Variants in SELP observed in about 807,000 individuals in gnomAD.
The protein encoded by SELP is selectin P.
Under a neutral mutation model 104.1 loss-of-function variants are expected in SELP, and 92 were observed. The ratio of observed to expected loss-of-function variants is 0.88; its 90% CI spans 0.75 to 1.05. The LOEUF is 1.05. Ranked by LOEUF, SELP falls within the 50% of genes least tolerant of loss-of-function variation. SELP has a pLI of 0.00. For synonymous variants in SELP, 397 were observed against 364.5 expected (o/e 1.09, Z -1.01); for missense variants, 1,022 against 1,017.3 (o/e 1.00, Z -0.06).
intron 9 of SELP, among the ~76,000 whole-genome samples, 178 bp from the exon 10 acceptor site, chr1:169,603,389 T>C (rs1662022548): frequency 6.6e-6 from 1 of 150,462 alleles, no homozygotes; most frequent in Admixed American, 6.6e-5. Flanking sequence ...AAGTGATTGT[T>C]TGAATTTCAT....
chr1:169,603,058 C>G lies in SELP; in HGVS notation c.1673G>C (p.Gly558Ala). The part of the protein sequence containing the change: ...GPERLDCTRS[G>A]RWTDSPPMCE... The stretch of plus-strand genomic sequence containing the variant: ...CATTGGTGGGGAGTCTGTCCAGCGT[C>G]CCGATCGAGTACAATCCAATCTTTC... The change falls in exon 10 of 17, where the codon GGA becomes GCA. Residue 558 changes from glycine (G) to alanine (A), a missense_variant. Physicochemically the swap from Gly to Ala is moderately conservative, Grantham distance 60 (BLOSUM62 0). Coordinates refer to ENST00000263686, the MANE Select transcript of SELP (RefSeq NM_003005.4). 1 of 1,613,920 alleles carries G rather than the reference C, an allele frequency of 6.2e-7. No individual in the cohort carries two copies. The highest frequency in any genetic ancestry group is 8.5e-7 in the Non-Finnish European group (1 of 1,179,894).
At chr1:169,612,466 C>T in intron 5 of SELP, 64 bp from the exon 6 acceptor site, 3 of 1,519,046 alleles carry the variant, frequency 2.0e-6, no homozygotes, top group East Asian at 2.3e-5. Context: ...ACCTTGGAAG[C>T]CTTCAAATTC....
chr1:169,620,795 TTGTGTGTGTG>T (rs779947394), intron 1 of SELP, among the ~76,000 whole-genome samples: 81 of 110,940 alleles, frequency 7.3e-4, no homozygotes, highest in Admixed American at 9.2e-4. Context: ...CGGTGTGGGG[TTGTGTGTGTG>T]TGTGTGTGTG....
intron 10 of SELP, among the ~76,000 whole-genome samples, chr1:169,601,208 A>ATGT (rs1661895439): frequency 6.6e-6 from 1 of 152,244 alleles, no homozygotes; most frequent in Non-Finnish European, 1.5e-5. Context: ...CACAAGCCCA[A>ATGT]ATGCTTTCCT....
At chr1:169,612,044 A>AT (rs1421872981) in intron 6 of SELP, among the ~76,000 whole-genome samples, 173 bp downstream of exon 6, 4 of 152,092 alleles carry the variant, frequency 2.6e-5, no homozygotes, top group Non-Finnish European at 4.4e-5. Flanking sequence ...AAAGAAAGGA[A>AT]TTTTTTTCCT....
At chr1:169,616,635 T>A (rs1662825405) in intron 3 of SELP, among the ~76,000 whole-genome samples, 1 of 152,152 alleles carries the variant, frequency 6.6e-6, no homozygotes, top group Admixed American at 6.5e-5. Context: ...TTCCTTCCAA[T>A]TTACACTCTC....
In SELP at chr1:169,596,149, T is replaced by C. The variant is rs1489301526; in HGVS notation, c.1892-15A>G. ...TGATGCTATGCCTGTTGTGAGAAAA[T>C]GTTTCCATTCAGAGACCTCCCAATT... On this transcript the variant is annotated splice_polypyrimidine_tract_variant and intron_variant, in intron 11 of 16. Coordinates refer to ENST00000263686, the MANE Select transcript of SELP (RefSeq NM_003005.4). The C allele has an allele frequency of 3.7e-6, 6 of 1,612,006 alleles. No individual in the cohort carries two copies. Among genetic ancestry groups the C allele is most frequent in the Non-Finnish European group, 4.2e-6 (5 of 1,178,708 alleles).
At chr1:169,606,207 C>T (rs1222930814) in intron 9 of SELP, among the ~76,000 whole-genome samples, 1 of 152,206 alleles carries the variant, frequency 6.6e-6, no homozygotes, top group Non-Finnish European at 1.5e-5. Context: ...GTCCCAGCTA[C>T]TCGGGAAGCT....
rs1159201732 is a variant in SELP, at chr1:169,603,052, C to T, written c.1679G>A (p.Trp560Ter). ...ERLDCTRSGR[W>*]TDSPPMCEAI... ...TTCACACATTGGTGGGGAGTCTGTC[C>T]AGCGTCCCGATCGAGTACAATCCAA... The change falls in exon 10 of 17, where the codon TGG (tryptophan) becomes TAG (stop). Residue 560 changes from tryptophan to a stop codon, truncating the protein, a stop_gained. Transcript: ENST00000263686. LOFTEE classifies it high-confidence loss of function. The T allele has an allele frequency of 6.2e-7, 1 of 1,613,696 alleles. No homozygotes were observed. Among genetic ancestry groups the T allele is most frequent in the East Asian group, 2.2e-5 (1 of 44,870 alleles).
chr1:169,620,795 TTGTGTGTGTGTGTG>T (rs779947394), intron 1 of SELP, among the ~76,000 whole-genome samples: 3 of 110,832 alleles, frequency 2.7e-5, no homozygotes, highest in Non-Finnish European at 5.5e-5. Context: ...CGGTGTGGGG[TTGTGTGTGTGTGTG>T]TGTGTGTGTG....
rs1571623848 is a variant in SELP at position 169,596,089 on chromosome 1, G to A, written c.1937C>T (p.Thr646Ile). The change falls in exon 12 of 17, where the codon ACC becomes ATC. Residue 646 changes from threonine (T) to isoleucine (I), a missense_variant. Transcript: ENST00000263686. ...GTACATGGTTCCCTGCCCAGGAGTG[G>A]TGAGGGCTGGACATTGCACCCCTGG... ...PTPGVQCPALTTPGQGTMYCR... is the reference protein window; with the variant it reads ...PTPGVQCPALITPGQGTMYCR... 2 of 1,613,896 alleles carry A rather than the reference G, an allele frequency of 1.2e-6. No individual in the cohort carries two copies. Among genetic ancestry groups the A allele is most frequent in the East Asian group, 4.5e-5 (2 of 44,880 alleles).
Position 169,622,575 on chromosome 1 carries a change from C to G in SELP, c.4-3356G>C, listed in dbSNP as rs139616600. Among the ~76,000 whole-genome samples, 19 of 152,194 alleles carry G rather than the reference C, an allele frequency of 1.2e-4. No homozygotes were observed. The East Asian group carries it at 3.7e-3, about 29-fold the overall frequency. On this transcript the variant is annotated intron_variant, in intron 1 of 16. Transcript: ENST00000263686. ...TGTCTTAGAGATGAATCTTTAATAG[C>G]AATTTAAATATAAAGGTTTAAGTTA... is the stretch of plus-strand genomic sequence containing the variant.
At chr1:169,598,925 G>A (rs1661760670) in intron 10 of SELP, among the ~76,000 whole-genome samples, 1 of 152,148 alleles carries the variant, frequency 6.6e-6, no homozygotes, top group Non-Finnish European at 1.5e-5. Context: ...ATTAACCGAA[G>A]GGGGCCCTAG....
At chr1:169,603,241 A>C (rs1662004239) in intron 9 of SELP, 30 bp from the exon 10 acceptor site, 1 of 1,589,590 alleles carries the variant, frequency 6.3e-7, no homozygotes, top group Admixed American at 1.7e-5. Flanking sequence ...GGAGAAAAGA[A>C]GAGATCATTT....
rs780415483 is a variant in SELP at position 169,611,496 on chromosome 1, A to C, written c.1143T>G (p.Cys381Trp). ...GTTGCTAATGAAAAATCCTACCCTC[A>C]CAGGTTGGCAAGGGTGCAGACCAGT... ...SGHWSAPLPTCEAISCEPLES... is the reference protein window; with the variant it reads ...SGHWSAPLPTWEAISCEPLES... The change falls in exon 7 of 17, where the codon TGT becomes TGG. Residue 381 changes from cysteine (C) to tryptophan (W), a missense_variant. Coordinates refer to ENST00000263686, the MANE Select transcript of SELP (RefSeq NM_003005.4). 19 of 1,613,604 alleles carry C rather than the reference A, an allele frequency of 1.2e-5. No homozygotes were observed. Among genetic ancestry groups the C allele is most frequent in the Non-Finnish European group, 1.5e-5 (18 of 1,179,776 alleles).
At chr1:169,622,755 TAATC>T (rs1421206385) in intron 1 of SELP, among the ~76,000 whole-genome samples, 2 of 152,182 alleles carry the variant, frequency 1.3e-5, no homozygotes, top group Non-Finnish European at 2.9e-5. Flanking sequence ...AGAAGTATAA[TAATC>T]AAGAAAATAC....
intron 4 of SELP, 138 bp downstream of exon 4, chr1:169,613,448 C>A: frequency 1.5e-6 from 1 of 683,122 alleles, no homozygotes; most frequent in Admixed American, 2.3e-5. Flanking sequence ...TCTAGGGACA[C>A]TGAGTGGAGG....
chr1:169,602,500 C>A (rs1386717692), intron 10 of SELP, among the ~76,000 whole-genome samples: 1 of 152,220 alleles, frequency 6.6e-6, no homozygotes, highest in Non-Finnish European at 1.5e-5. Context: ...TATTTAACCT[C>A]TTTAAGCTTG....
At chr1:169,607,286 C>T (rs1662251700) in intron 8 of SELP, 152 bp from the exon 9 acceptor site, 26 of 563,808 alleles carry the variant, frequency 4.6e-5, no homozygotes, top group East Asian at 2.7e-4. Context: ...TTAATTATAA[C>T]GGCACATGAA....
Sources: allele counts gnomAD v4.1 joint callset (sites outside exome capture counted in the v4.1 genomes callset), GRCh38; gene constraint gnomAD v4.1.1; transcripts MANE v1.5; gene names NCBI Gene and HGNC (gene_info 2026-07-23, HGNC 2026-07-21).